Variants in SOX6 observed in about 807,000 individuals in gnomAD.
SOX6 encodes transcription factor SOX-6.
In SOX6, 11 loss-of-function variants were observed where a neutral mutation model predicts 97.8. The ratio of observed to expected loss-of-function variants is 0.11; its 90% confidence interval spans 0.07 to 0.19. The LOEUF (loss-of-function observed/expected upper bound fraction) is 0.19, where lower values mean the gene tolerates loss of function less well. SOX6 is among the 10% of genes least tolerant of loss of function. SOX6 has a pLI of 1.00. For synonymous variants in SOX6, 360 were observed against 371.4 expected, an observed-to-expected ratio of 0.97 and a Z score of 0.35; for missense variants, 810 against 1,039.5, an observed-to-expected ratio of 0.78 and a Z score of 3.04.
chr11:16,130,881 C>A (rs1849723117), intron 6 of SOX6, among the ~76,000 whole-genome samples: 1 of 151,828 alleles, frequency 6.6e-6, no homozygotes, highest in South Asian at 2.1e-4. Flanking sequence ...AGATGATAAT[C>A]TTTAAAATAG....
chr11:16,589,355 T>C (rs1298271551), intron 4 of SOX6, among the ~76,000 whole-genome samples: 1 of 152,186 alleles, frequency 6.6e-6, no homozygotes, highest in African/African-American at 2.4e-5. Flanking sequence ...GATTGACAGA[T>C]TGAGTCTATA....
chr11:16,524,051 A>C (rs1861115698), intron 4 of SOX6, among the ~76,000 whole-genome samples: 1 of 152,214 alleles, frequency 6.6e-6, no homozygotes, highest in Non-Finnish European at 1.5e-5. Context: ...CCAGAGGTAC[A>C]AGGAGGAACT....
intron 3 of SOX6, among the ~76,000 whole-genome samples, chr11:16,690,614 TA>T (rs942256148): frequency 6.6e-6 from 1 of 152,236 alleles, no homozygotes; most frequent in African/African-American, 2.4e-5. Context: ...TGTACTTTTT[TA>T]AAAATCTCAT....
intron 3 of SOX6, among the ~76,000 whole-genome samples, chr11:16,664,115 A>AAAAC (rs879795258): frequency 1.3e-5 from 2 of 152,214 alleles, no homozygotes; most frequent in South Asian, 2.1e-4. Context: ...AAACAAAACA[A>AAAAC]AAACAAACAA....
At position 15,966,921 on chromosome 11, in the gene SOX6, T is replaced by A. The variant is rs1853156405; in HGVS notation, c.*5888A>T. 1 of 152,194 alleles carries A rather than the reference T, an allele frequency of 6.6e-6. No individual in the cohort carries two copies. The highest frequency in any genetic ancestry group is 1.5e-5 in the Non-Finnish European group (1 of 68,044). The allele number at this position is 152,194 out of a possible 1,614,324, so 9.4% of individuals were successfully genotyped here. On this transcript the variant is annotated 3_prime_UTR_variant, in exon 16 of 16. Coordinates refer to ENST00000683767, the MANE Select transcript of SOX6 (RefSeq NM_001367873.1). The stretch of plus-strand genomic sequence containing the variant: ...TGTAAATTTGAAGAGATTTTTTTTA[T>A]TTTTCCCATTTCTTTAATCCTTAGC...
At chr11:16,002,928 T>G (rs1450460136) in intron 13 of SOX6, among the ~76,000 whole-genome samples, 4 of 152,212 alleles carry the variant, frequency 2.6e-5, no homozygotes, top group Non-Finnish European at 5.9e-5. Flanking sequence ...TCGATTGCCT[T>G]AGCCTTCACT....
At chr11:16,238,320 T>C (rs1162443914) in intron 3 of SOX6, among the ~76,000 whole-genome samples, 2 of 152,082 alleles carry the variant, frequency 1.3e-5, no homozygotes, top group Admixed American at 6.6e-5. Context: ...AAAAGGAAGA[T>C]AGAATTCAGA....
At position 16,027,766 on chromosome 11, in the gene SOX6, G is replaced by A. The variant is rs144068133; in HGVS notation, c.1624-12716C>T. On this transcript the variant is annotated intron_variant, in intron 12 of 15. Transcript: ENST00000683767. ...CGTGCTGCATATGAGAGAGGGGCAC[G>A]TGTGGGAACACGTACATGCTCACCG... 5.0e-4 allele frequency among the ~76,000 whole-genome samples: 76 copies of A among 152,330 alleles called. 2 individuals carry two copies. The East Asian group carries it at 0.011, about 22-fold the overall frequency.
At chr11:16,729,492 G>A (rs191301836) in intron 2 of SOX6, among the ~76,000 whole-genome samples, 17 of 152,308 alleles carry the variant, frequency 1.1e-4, no homozygotes, top group African/African-American at 4.1e-4. Context: ...CTTCACAAGT[G>A]AAGGAGAAAT....
At chr11:16,199,609 G>A (rs761387094) in intron 4 of SOX6, among the ~76,000 whole-genome samples, 1 of 152,100 alleles carries the variant, frequency 6.6e-6, no homozygotes, top group Non-Finnish European at 1.5e-5. Context: ...CCTTCTTCCT[G>A]CATTTTAAAA....
At chr11:15,981,747 G>T (rs984157758) in intron 15 of SOX6, among the ~76,000 whole-genome samples, 48 of 151,964 alleles carry the variant, frequency 3.2e-4, no homozygotes, top group African/African-American at 1.1e-3. Context: ...AAATGCAAAT[G>T]TTCAAATCAC....
chr11:16,087,557 GTGACTGTT>G (rs1848604656), intron 9 of SOX6, among the ~76,000 whole-genome samples: 1 of 151,970 alleles, frequency 6.6e-6, no homozygotes, highest in South Asian at 2.1e-4. Flanking sequence ...GAAGAGAGTT[GTGACTGTT>G]CTAGCCAGAA....
chr11:16,150,370 C>T (rs530713896), intron 6 of SOX6, among the ~76,000 whole-genome samples: 1 of 152,088 alleles, frequency 6.6e-6, no homozygotes, highest in East Asian at 1.9e-4. Flanking sequence ...TAGCAGAGCC[C>T]ACATGAGACT....
chr11:16,526,287 G>T (rs1861163870), intron 4 of SOX6, among the ~76,000 whole-genome samples: 1 of 152,132 alleles, frequency 6.6e-6, no homozygotes, highest in South Asian at 2.1e-4. Flanking sequence ...TATACACCAT[G>T]GAATACTATG....
intron 4 of SOX6, among the ~76,000 whole-genome samples, chr11:16,485,562 T>A (rs956924167): frequency 2.0e-5 from 3 of 151,878 alleles, no homozygotes; most frequent in African/African-American, 7.3e-5. Context: ...AAACCCTGTC[T>A]CTACTAAAGA....
chr11:16,062,924 T>C (rs1847994092), intron 9 of SOX6, among the ~76,000 whole-genome samples: 1 of 151,742 alleles, frequency 6.6e-6, no homozygotes, highest in Non-Finnish European at 1.5e-5. Context: ...AGCTAAGATC[T>C]AGCAAGTAGC....
intron 3 of SOX6, among the ~76,000 whole-genome samples, chr11:16,292,656 G>A (rs1463473992): frequency 1.3e-5 from 2 of 152,154 alleles, no homozygotes; most frequent in Non-Finnish European, 2.9e-5. Context: ...CCAAGCCTGC[G>A]GTGCTGGGAC....
At chr11:15,984,214 CATT>C (rs1853756278) in intron 15 of SOX6, among the ~76,000 whole-genome samples, 1 of 152,084 alleles carries the variant, frequency 6.6e-6, no homozygotes, top group African/African-American at 2.4e-5. Flanking sequence ...TTTTTACATG[CATT>C]GGTACATGTT....
At chr11:16,013,539 A>C (rs1331747409) in intron 13 of SOX6, among the ~76,000 whole-genome samples, 1 of 152,136 alleles carries the variant, frequency 6.6e-6, no homozygotes, top group East Asian at 1.9e-4. Context: ...CAAGGAAGAC[A>C]GCAAGCATAT....
Sources: gnomAD v4.1 joint callset for allele counts (sites outside exome capture counted in the v4.1 genomes callset) on GRCh38, gnomAD v4.1.1 for gene constraint, MANE v1.5 for transcripts, NCBI Gene and HGNC (gene_info 2026-07-23, HGNC 2026-07-21) for gene names.